Variants in DPP10 observed in about 807,000 individuals in gnomAD.
DPP10 encodes the protein dipeptidyl peptidase like 10.
Under a neutral mutation model 120.9 loss-of-function variants are expected in DPP10, and 33 were observed. The ratio of observed to expected loss-of-function variants is 0.27; its 90% CI spans 0.21 to 0.37. The LOEUF (loss-of-function observed/expected upper bound fraction) is 0.37. Among genes scored for constraint, DPP10 ranks in the 10% least tolerant of loss-of-function variants. The pLI is 1.00. For missense variants in DPP10, 816 were observed against 942.8 expected (o/e 0.87, Z 1.76); for synonymous variants, 337 against 326.1 (o/e 1.03, Z -0.36).
At chr2:115,403,811 C>G (rs1256518127) in intron 3 of DPP10, among the ~76,000 whole-genome samples, 2 of 152,074 alleles carry the variant, frequency 1.3e-5, no homozygotes. Flanking sequence ...AATTGTTTCT[C>G]TTTGTTGATA....
intron 3 of DPP10, among the ~76,000 whole-genome samples, chr2:115,463,535 G>C (rs2074117791): frequency 6.6e-6 from 1 of 152,252 alleles, no homozygotes; most frequent in East Asian, 1.9e-4. Flanking sequence ...ACACATATCT[G>C]TCCATAAGTA....
At chr2:114,585,359 C>T (rs962601327) in intron 1 of DPP10, among the ~76,000 whole-genome samples, 1 of 152,182 alleles carries the variant, frequency 6.6e-6, no homozygotes, top group African/African-American at 2.4e-5. Flanking sequence ...TTCTTCTACT[C>T]GCTTTGATTG....
At chr2:114,507,433 T>C (rs1033346525) in intron 1 of DPP10, among the ~76,000 whole-genome samples, 1 of 152,174 alleles carries the variant, frequency 6.6e-6, no homozygotes, top group Non-Finnish European at 1.5e-5. Flanking sequence ...GATTACACCA[T>C]TTGTGATACG....
chr2:114,731,630 A>G (rs1676923382), intron 1 of DPP10, among the ~76,000 whole-genome samples: 1 of 152,122 alleles, frequency 6.6e-6, no homozygotes, highest in Admixed American at 6.5e-5. Context: ...TATTCCTACA[A>G]AGATAGCCAT....
At chr2:114,680,504 C>T (rs1182683967) in intron 1 of DPP10, among the ~76,000 whole-genome samples, 5 of 151,878 alleles carry the variant, frequency 3.3e-5, no homozygotes, top group African/African-American at 7.3e-5. Flanking sequence ...TTTAAGAATT[C>T]AGTATTTTGC....
chr2:115,755,789 C>T (rs1476643781), intron 11 of DPP10, among the ~76,000 whole-genome samples: 1 of 151,942 alleles, frequency 6.6e-6, no homozygotes. Context: ...GAAATACACA[C>T]CTGCATCTGA....
chr2:115,836,487 T>A lies in DPP10; in HGVS notation c.2051-20T>A. The A allele has an allele frequency of 6.2e-7, 1 of 1,604,886 alleles. No individual in the cohort carries two copies. The highest frequency in any genetic ancestry group is 8.5e-7 in the Non-Finnish European group (1 of 1,177,720). ...ATAGTTTTTAGTTTCTTCTCGAATG[T>A]CTGTTTTCTTGGGTCACAGCCTCAG... is the stretch of plus-strand genomic sequence containing the variant. On this transcript the variant is annotated intron_variant, in intron 22 of 25. Coordinates refer to ENST00000410059, the MANE Select transcript of DPP10 (RefSeq NM_020868.6).
chr2:115,540,187 G>C (rs139611639), intron 5 of DPP10, among the ~76,000 whole-genome samples: 106 of 151,922 alleles, frequency 7.0e-4, no homozygotes, highest in African/African-American at 2.3e-3. Context: ...ATTTTTCACA[G>C]CAAATTTTTG....
chr2:114,707,766 T>C (rs147404380), intron 1 of DPP10, among the ~76,000 whole-genome samples: 2 of 152,232 alleles, frequency 1.3e-5, no homozygotes, highest in African/African-American at 2.4e-5. Flanking sequence ...GCCAATCAAG[T>C]AGAGCAATGG....
chr2:114,653,138 G>T (rs2105497853), intron 1 of DPP10, among the ~76,000 whole-genome samples: 2 of 151,930 alleles, frequency 1.3e-5, no homozygotes, highest in East Asian at 1.9e-4. Flanking sequence ...CTGTGACTAT[G>T]ACCTTATTTG....
Position 114,883,318 on chromosome 2 carries a change from C to G in DPP10, c.61-425921C>G, listed in dbSNP as rs79446239. 8.5e-3 allele frequency among the ~76,000 whole-genome samples: 1,287 copies of G among 152,254 alleles called. 20 individuals carry two copies. The highest frequency in any genetic ancestry group is 0.03 in the African/African-American group (1,232 of 41,546). On this transcript the variant is annotated intron_variant, in intron 1 of 25. Coordinates refer to ENST00000410059, the MANE Select transcript of DPP10 (RefSeq NM_020868.6). Reference sequence around the variant, plus strand: ...TGTAGTCACAGGATCACACATGGCACCCAGAGAACACTCGGGACTCAACAA... The same window carrying G: ...TGTAGTCACAGGATCACACATGGCAGCCAGAGAACACTCGGGACTCAACAA...
chr2:115,404,349 A>G (rs1037892001), intron 3 of DPP10, among the ~76,000 whole-genome samples: 7 of 152,174 alleles, frequency 4.6e-5, no homozygotes, highest in Non-Finnish European at 8.8e-5. Flanking sequence ...CTCATGAGAA[A>G]TCTGTTCCCA....
At chr2:115,240,803 A>G (rs1474963093) in intron 1 of DPP10, among the ~76,000 whole-genome samples, 1 of 152,206 alleles carries the variant, frequency 6.6e-6, no homozygotes, top group Non-Finnish European at 1.5e-5. Context: ...CTTGTAAGAT[A>G]ATTTTATTCT....
intron 3 of DPP10, among the ~76,000 whole-genome samples, chr2:115,399,642 A>C (rs1429153609): frequency 6.6e-6 from 1 of 152,142 alleles, no homozygotes; most frequent in African/African-American, 2.4e-5. Flanking sequence ...ACTTTGTAAT[A>C]TATTAATTTA....
At chr2:114,831,857 A>AATATAT (rs3036394) in intron 1 of DPP10, among the ~76,000 whole-genome samples, 3 of 146,100 alleles carry the variant, frequency 2.1e-5, no homozygotes, top group East Asian at 4.0e-4. Flanking sequence ...AATTAAAAAA[A>AATATAT]ATATATATAT....
intron 1 of DPP10, among the ~76,000 whole-genome samples, chr2:114,782,328 A>AAT (rs3036347): frequency 9.4e-4 from 140 of 148,598 alleles, no homozygotes; most frequent in Admixed American, 1.6e-3. Flanking sequence ...AAACCTGTGG[A>AAT]ATATATATAT....
At chr2:115,523,410 A>C (rs2077936829) in intron 4 of DPP10, among the ~76,000 whole-genome samples, 1 of 150,940 alleles carries the variant, frequency 6.6e-6, no homozygotes, top group Non-Finnish European at 1.5e-5. Flanking sequence ...AAAAAAAAAA[A>C]AAAAAAAAAA....
chr2:115,603,495 G>A (rs11889861), intron 5 of DPP10, among the ~76,000 whole-genome samples: 19,250 of 150,184 alleles, frequency 0.13, 1,779 homozygotes, highest in African/African-American at 0.27. Context: ...CTGGTGTAAC[G>A]TTTGGGCATA....
intron 1 of DPP10, among the ~76,000 whole-genome samples, chr2:114,864,683 C>T (rs551325439): frequency 5.9e-5 from 9 of 152,182 alleles, no homozygotes; most frequent in South Asian, 4.1e-4. Context: ...AACAAATATC[C>T]GGGGCTTGAA....
Sources: gnomAD v4.1 joint callset for allele counts (sites outside exome capture counted in the v4.1 genomes callset) on GRCh38, gnomAD v4.1.1 for gene constraint, MANE v1.5 for transcripts, NCBI Gene and HGNC (gene_info 2026-07-23, HGNC 2026-07-21) for gene names.